Variants in STK40 observed in about 807,000 individuals in gnomAD.
The protein encoded by STK40 is serine/threonine kinase 40.
Under a neutral mutation model 47.9 loss-of-function variants are expected in STK40, and 13 were observed. The observed-to-expected ratio is 0.27, with a 90% CI of 0.18 to 0.43. STK40 has a LOEUF of 0.43. Among genes scored for constraint, STK40 ranks in the 20% least tolerant of loss-of-function variants. STK40 has a pLI of 1.00. For missense variants in STK40, 460 were observed against 595.1 expected (o/e 0.77, Z 2.36); for synonymous variants, 225 against 243.2 (o/e 0.93, Z 0.69).
chr1:36,372,264 A>C (rs1314390199), intron 1 of STK40, among the ~76,000 whole-genome samples: 1 of 151,822 alleles, frequency 6.6e-6, no homozygotes, highest in East Asian at 1.9e-4. Flanking sequence ...TGGGAGGATC[A>C]CTTGAGCCCA....
intron 1 of STK40, chr1:36,368,098 T>G (rs1646916650): frequency 6.5e-6 from 1 of 152,850 alleles, no homozygotes; most frequent in African/African-American, 2.4e-5. Context: ...GTCAAAACAA[T>G]TGAACAGCAC....
chr1:36,341,661 A>G lies in STK40; in HGVS notation c.*94T>C. On this transcript the variant is annotated 3_prime_UTR_variant, in exon 11 of 11. Transcript: ENST00000373132. The stretch of plus-strand genomic sequence containing the variant: ...TGCCCTGTCCCTATTGTGGCCCGGG[A>G]GAGTCCAGCACTACAGGGCCCAGCC... 2.0e-6 allele frequency: 3 copies of G among 1,471,190 alleles called. No individual in the cohort carries two copies. The highest frequency in any genetic ancestry group is 2.5e-5 in the South Asian group (2 of 80,258). 91.1% of individuals were successfully genotyped at this position (1,471,190 alleles called of 1,614,324 possible).
chr1:36,384,692 T>C (rs1035082910), intron 1 of STK40, among the ~76,000 whole-genome samples: 1 of 152,200 alleles, frequency 6.6e-6, no homozygotes, highest in African/African-American at 2.4e-5. Flanking sequence ...TGTGGTCATG[T>C]GAGAAATGAA....
chr1:36,355,431 G>C lies in STK40; in HGVS notation c.345C>G (p.Asp115Glu), dbSNP rs771741412. The C allele has an allele frequency of 6.2e-7, 1 of 1,614,188 alleles. No individual in the cohort carries two copies. The highest frequency in any genetic ancestry group is 8.5e-7 in the Non-Finnish European group (1 of 1,180,032). The change falls in exon 5 of 11, where the codon GAC (aspartate) becomes GAG (glutamate). Residue 115 changes from aspartate to glutamate, a missense_variant and splice_region_variant. Around this residue, in one of 3 missense-constraint regions of STK40, gnomAD observed 277 missense variants for 358.7 expected, o/e 0.77. Coordinates refer to ENST00000373132, the MANE Select transcript of STK40 (RefSeq NM_001282547.2). ...TGTCCTCAACGATTTCACAGGTGCG[G>C]TCCTGGGAGGCAAGGGGGTAGCGCA... is the stretch of plus-strand genomic sequence containing the variant. ...GVVHHHGLFQDRTCEIVEDTE... is the reference protein window; with the variant it reads ...GVVHHHGLFQERTCEIVEDTE...
At chr1:36,367,757 A>G (rs1242342454) in intron 1 of STK40, 1 of 965,800 alleles carries the variant, frequency 1.0e-6, no homozygotes, top group South Asian at 4.8e-5. Context: ...AAGGAGCTGA[A>G]GCCTGGCCAA....
intron 1 of STK40, among the ~76,000 whole-genome samples, chr1:36,379,170 T>C (rs1462156867): frequency 3.3e-5 from 5 of 152,234 alleles, no homozygotes; most frequent in Admixed American, 1.3e-4. Context: ...GAAGATCTTC[T>C]ATCTCTTTTG....
At chr1:36,349,564 G>A (rs533940074) in intron 6 of STK40, among the ~76,000 whole-genome samples, 3 of 152,202 alleles carry the variant, frequency 2.0e-5, no homozygotes, top group South Asian at 2.1e-4. Context: ...CCCAGGCCCC[G>A]AATGACTTTT....
intron 1 of STK40, among the ~76,000 whole-genome samples, chr1:36,369,568 G>C (rs1384489911): frequency 6.6e-6 from 1 of 152,142 alleles, no homozygotes; most frequent in East Asian, 1.9e-4. Flanking sequence ...ACTCTCCCTG[G>C]TTGGCACATC....
At chr1:36,371,068 G>A (rs1223743503) in intron 1 of STK40, among the ~76,000 whole-genome samples, 1 of 151,330 alleles carries the variant, frequency 6.6e-6, no homozygotes, top group Non-Finnish European at 1.5e-5. Flanking sequence ...GTAGAGATAG[G>A]GTTTCACCAT....
intron 1 of STK40, chr1:36,372,883 G>C (rs947914537): frequency 6.6e-6 from 1 of 152,178 alleles, no homozygotes; most frequent in African/African-American, 2.4e-5. Context: ...CGCCACCCCT[G>C]ATGCACTTAA....
chr1:36,354,766 C>G (rs1442733406), intron 5 of STK40, among the ~76,000 whole-genome samples: 3 of 152,120 alleles, frequency 2.0e-5, no homozygotes, highest in Non-Finnish European at 4.4e-5. Flanking sequence ...GCTGTCATGG[C>G]TTTGTGACTA....
intron 1 of STK40, among the ~76,000 whole-genome samples, chr1:36,384,537 G>A (rs575776921): frequency 2.6e-5 from 4 of 152,208 alleles, no homozygotes; most frequent in Non-Finnish European, 5.9e-5. Flanking sequence ...CGAAGACACT[G>A]AGGCACAGGG....
At chr1:36,348,849 T>C in intron 6 of STK40, 34 bp from the exon 7 acceptor site, 2 of 1,550,750 alleles carry the variant, frequency 1.3e-6, no homozygotes, top group Non-Finnish European at 1.8e-6. Context: ...CAAACCTCAG[T>C]GTCTATAGCA....
At position 36,341,971 on chromosome 1, in the gene STK40, C is replaced by T. The variant is rs146560631; in HGVS notation, c.1092G>A (p.Ala364=). The T allele has an allele frequency of 8.7e-6, 14 of 1,612,216 alleles. No individual in the cohort carries two copies. The highest frequency in any genetic ancestry group is 2.7e-5 in the African/African-American group (2 of 75,032). Reference sequence around the variant, plus strand: ...ACTGGGAGCACTCCTCCGTCACCTTCGCCTTTGAGGCGGGGAGGGTGGGAA... The same window carrying T: ...ACTGGGAGCACTCCTCCGTCACCTTTGCCTTTGAGGCGGGGAGGGTGGGAA... ...QMSNADSSQE[A]KVTEECSQYE... The change falls in exon 11 of 11, where the codon GCG becomes GCA. Residue 364 remains alanine, a splice_region_variant and synonymous_variant. Coordinates refer to ENST00000373132, the MANE Select transcript of STK40 (RefSeq NM_001282547.2).
At chr1:36,366,977 G>C (rs1324024129) in intron 1 of STK40, among the ~76,000 whole-genome samples, 25 of 151,274 alleles carry the variant, frequency 1.7e-4, no homozygotes, top group Admixed American at 1.6e-3. Flanking sequence ...TGAGATTACA[G>C]GCATCTACCA....
chr1:36,343,901 G>A lies in STK40; in HGVS notation c.963C>T (p.Ala321=), dbSNP rs1052434732. 19 of 1,606,620 alleles carry A rather than the reference G, an allele frequency of 1.2e-5. No individual in the cohort carries two copies. The highest frequency in any genetic ancestry group is 3.3e-4 in the Middle Eastern group (2 of 6,038). ...CACTGAGGGCCTCCAGGACGTCGGCGGCGGCCAGGCGCTGCTGGGGGTCAA... is the reference window on the plus strand; with the variant it reads ...CACTGAGGGCCTCCAGGACGTCGGCAGCGGCCAGGCGCTGCTGGGGGTCAA... The part of the protein sequence containing the change: ...LVLDPQQRLA[A]ADVLEALSAI... Residue 321 remains alanine, a synonymous_variant, in exon 9 of 11, where the codon GCC becomes GCT. Transcript: ENST00000373132.
At position 36,341,665 on chromosome 1, in the gene STK40, T is replaced by A; in HGVS notation, c.*90A>T. On this transcript the variant is annotated 3_prime_UTR_variant, in exon 11 of 11. Transcript: ENST00000373132. ...CTGTCCCTATTGTGGCCCGGGAGAGTCCAGCACTACAGGGCCCAGCCCTGA... is the reference window on the plus strand; with the variant it reads ...CTGTCCCTATTGTGGCCCGGGAGAGACCAGCACTACAGGGCCCAGCCCTGA... The A allele has an allele frequency of 6.7e-7, 1 of 1,499,794 alleles. No individual in the cohort carries two copies. Among genetic ancestry groups the A allele is most frequent in the Non-Finnish European group, 9.1e-7 (1 of 1,097,062 alleles). 92.9% of individuals were successfully genotyped at this position (1,499,794 alleles called of 1,614,324 possible). A position where few individuals can be genotyped will look rare whatever the true frequency, so the allele number is the denominator to read the frequency against.
chr1:36,348,866 A>ACAAGACACGCAGG (rs1553135631), intron 6 of STK40, 51 bp from the exon 7 acceptor site: 9 of 1,481,564 alleles, frequency 6.1e-6, no homozygotes, highest in Non-Finnish European at 8.3e-6. Context: ...AGCAACAGGC[A>ACAAGACACGCAGG]CAAGACACGC....
intron 10 of STK40, 24 bp from the exon 11 acceptor site, chr1:36,341,997 G>C (rs745317801): frequency 1.3e-6 from 2 of 1,595,536 alleles, no homozygotes; most frequent in Admixed American, 3.5e-5. Context: ...AGGGTGGGAA[G>C]GAGACAAAGA....
Sources: gnomAD v4.1 joint callset for allele counts (sites outside exome capture counted in the v4.1 genomes callset) on GRCh38, gnomAD v4.1.1 for gene constraint, gnomAD v4.1.1 regional missense constraint, MANE v1.5 for transcripts, NCBI Gene and HGNC (gene_info 2026-07-23, HGNC 2026-07-21) for gene names.